Variants in ZNF385D observed in about 807,000 individuals in gnomAD.
ZNF385D encodes the protein zinc finger protein 385D.
ZNF385D carries 15 observed loss-of-function variants against 35.8 expected under a neutral mutation model. That is an observed-to-expected ratio of 0.42 (90% CI 0.28 to 0.64). The LOEUF (loss-of-function observed/expected upper bound fraction) is 0.64. Among genes scored for constraint, ZNF385D ranks in the 30% least tolerant of loss-of-function variants. ZNF385D has a pLI of 0.23. For synonymous variants in ZNF385D, 212 were observed against 186.8 expected (o/e 1.13, Z -1.10); for missense variants, 474 against 494.6 (o/e 0.96, Z 0.39).
At chr3:22,132,225 A>G (rs1703842635) in intron 3 of ZNF385D, among the ~76,000 whole-genome samples, 1 of 152,132 alleles carries the variant, frequency 6.6e-6, no homozygotes, top group Admixed American at 6.6e-5. Flanking sequence ...GAATGGCAAT[A>G]GAGCCCCTAT....
chr3:21,646,565 T>C lies in ZNF385D; in HGVS notation c.165+18321A>G, dbSNP rs1385794592. On this transcript the variant is annotated intron_variant, in intron 2 of 7. Transcript: ENST00000281523. The surrounding 1 kb of genome is among the most constrained non-coding windows in gnomAD (Gnocchi z 4.3). ...ATACTAACTGAGTGTCTATTGTGTA[T>C]TGACCACCTAACAAATAGTGAATTT... Among the ~76,000 whole-genome samples, 3 of 152,212 alleles carry C rather than the reference T, an allele frequency of 2.0e-5. No homozygotes were observed. Among genetic ancestry groups the C allele is most frequent in the African/African-American group, 4.8e-5 (2 of 41,452 alleles).
At position 22,038,513 on chromosome 3, in the gene ZNF385D, T is replaced by C. The variant is rs894409393; in HGVS notation, c.325+130304A>G. Among the ~76,000 whole-genome samples the C allele has an allele frequency of 2.0e-5, 3 of 152,050 alleles. No individual in the cohort carries two copies. The East Asian group carries it at 5.8e-4, about 29-fold the overall frequency. On this transcript the variant is annotated intron_variant, in intron 3 of 5. Transcript: ENST00000494108. ...GCAGAGGTAGCATTGGCAAATGTTA[T>C]TTGTACTGTTGTTGTCATCATTATC... is the stretch of plus-strand genomic sequence containing the variant.
intron 2 of ZNF385D, among the ~76,000 whole-genome samples, chr3:22,189,826 C>G (rs1418790205): frequency 6.6e-6 from 1 of 152,132 alleles, no homozygotes; most frequent in Non-Finnish European, 1.5e-5. Flanking sequence ...TGGGCCCAGC[C>G]AATTCTACAT....
intron 2 of ZNF385D, among the ~76,000 whole-genome samples, chr3:21,607,608 A>G (rs779463004): frequency 2.0e-5 from 3 of 152,090 alleles, no homozygotes; most frequent in Non-Finnish European, 2.9e-5. Context: ...TGGTTCTTGA[A>G]GAGACCTCAC....
chr3:21,906,394 T>G (rs1320708948), intron 3 of ZNF385D, among the ~76,000 whole-genome samples: 2 of 152,306 alleles, frequency 1.3e-5, no homozygotes, highest in African/African-American at 4.8e-5. Flanking sequence ...TTTTGGATAG[T>G]TTAAGCTCTG....
chr3:22,172,242 T>C (rs1694504556), intron 2 of ZNF385D, among the ~76,000 whole-genome samples: 1 of 152,218 alleles, frequency 6.6e-6, no homozygotes, highest in African/African-American at 2.4e-5. Flanking sequence ...ACTGGAATTA[T>C]CCTGAGAGTA....
chr3:22,070,320 G>A (rs559752645), intron 3 of ZNF385D, among the ~76,000 whole-genome samples: 12 of 152,162 alleles, frequency 7.9e-5, no homozygotes, highest in Non-Finnish European at 1.3e-4. Flanking sequence ...ATATATACAT[G>A]AAAGGAAAGC....
At chr3:22,358,744 G>C in intron 2 of ZNF385D, among the ~76,000 whole-genome samples, 1 of 151,700 alleles carries the variant, frequency 6.6e-6, no homozygotes, top group Non-Finnish European at 1.5e-5. Context: ...TGTGGAGCAG[G>C]CATTGGACAG....
intron 1 of ZNF385D, among the ~76,000 whole-genome samples, chr3:21,729,069 G>C (rs1201721096): frequency 6.6e-6 from 1 of 152,050 alleles, no homozygotes; most frequent in African/African-American, 2.4e-5. Context: ...GTTCTGTAAT[G>C]CCTGTATTCT....
intron 2 of ZNF385D, among the ~76,000 whole-genome samples, chr3:22,258,778 AATAAC>A (rs1335816312): frequency 6.6e-6 from 1 of 151,776 alleles, no homozygotes; most frequent in African/African-American, 2.4e-5. Context: ...TGCATGTTAA[AATAAC>A]ATGTTTTATA....
chr3:21,723,602 A>G (rs573595962), intron 1 of ZNF385D, among the ~76,000 whole-genome samples: 3 of 152,340 alleles, frequency 2.0e-5, no homozygotes, highest in South Asian at 2.1e-4. Flanking sequence ...ATTAGAGAAA[A>G]AAGAATAAGA....
At chr3:22,100,705 G>C (rs1463130043) in intron 3 of ZNF385D, among the ~76,000 whole-genome samples, 1 of 145,718 alleles carries the variant, frequency 6.9e-6, no homozygotes, top group South Asian at 2.4e-4. Context: ...AGGGGGAAAG[G>C]ATAGCAATGG....
intron 2 of ZNF385D, among the ~76,000 whole-genome samples, chr3:21,598,581 C>CAA: frequency 6.6e-6 from 1 of 152,142 alleles, no homozygotes; most frequent in African/African-American, 2.4e-5. Flanking sequence ...GCCCAACAGA[C>CAA]AAAAGGCTAG....
chr3:21,632,203 T>A (rs1204321996), intron 2 of ZNF385D, among the ~76,000 whole-genome samples: 2 of 152,096 alleles, frequency 1.3e-5, no homozygotes, highest in Non-Finnish European at 2.9e-5. Context: ...AGAGAGCCTA[T>A]TTTTAGTGGT....
At chr3:21,978,557 G>C (rs1703787070) in intron 3 of ZNF385D, among the ~76,000 whole-genome samples, 1 of 152,174 alleles carries the variant, frequency 6.6e-6, no homozygotes, top group African/African-American at 2.4e-5. Context: ...TCTGTGATCT[G>C]AGACATACGT....
intron 3 of ZNF385D, among the ~76,000 whole-genome samples, chr3:22,084,495 T>C (rs1700925463): frequency 1.3e-5 from 2 of 152,120 alleles, no homozygotes; most frequent in Non-Finnish European, 1.5e-5. Flanking sequence ...CATTACATAA[T>C]GGTAAAGGGA....
intron 3 of ZNF385D, among the ~76,000 whole-genome samples, chr3:21,863,661 G>T (rs1380107356): frequency 6.6e-6 from 1 of 152,104 alleles, no homozygotes; most frequent in African/African-American, 2.4e-5. Flanking sequence ...AATAGTGGAA[G>T]AAAGTTATTC....
At chr3:22,194,471 A>T (rs1291722776) in intron 2 of ZNF385D, among the ~76,000 whole-genome samples, 1 of 151,814 alleles carries the variant, frequency 6.6e-6, no homozygotes, top group Non-Finnish European at 1.5e-5. Flanking sequence ...TGTTTTTTAA[A>T]ATCTTATTTT....
intron 3 of ZNF385D, among the ~76,000 whole-genome samples, chr3:21,890,153 T>G (rs1023455855): frequency 6.6e-6 from 1 of 152,158 alleles, no homozygotes; most frequent in African/African-American, 2.4e-5. Flanking sequence ...ACCCATAACA[T>G]CCTACAAACC....
Sources: gnomAD v4.1 joint callset for allele counts (sites outside exome capture counted in the v4.1 genomes callset) on GRCh38, gnomAD v4.1.1 for gene constraint, Gnocchi (gnomAD v3.1) non-coding constraint, MANE v1.5 for transcripts, NCBI Gene and HGNC (gene_info 2026-07-23, HGNC 2026-07-21) for gene names.